SPMIP11: variants seen among roughly 807,000 people sequenced by gnomAD.
The protein encoded by SPMIP11 is sperm microtubule inner protein 11, also known as long intergenic non-protein coding RNA 935.
the SPMIP11 span, among the ~76,000 whole-genome samples, chr12:48,753,692 CTTTTTTTTTTT>C: frequency 2.5e-5 from 3 of 118,820 alleles, no homozygotes; most frequent in South Asian, 2.7e-4. Context: ...TTTTTTTTTT[CTTTTTTTTTTT>C]TTTTTTTTTC....
chr12:48,749,667 G>T, the SPMIP11 span, among the ~76,000 whole-genome samples: 2 of 127,942 alleles, frequency 1.6e-5, no homozygotes, highest in East Asian at 2.6e-4. Flanking sequence ...AAAAAGAGTT[G>T]TTTTTTCTGT....
the SPMIP11 span, chr12:48,764,900 C>T: frequency 1.4e-6 from 1 of 702,932 alleles, no homozygotes; most frequent in Non-Finnish European, 2.6e-6. Context: ...AGAACTTCAG[C>T]TTCTGGTGGT....
chr12:48,736,791 G>T, the SPMIP11 span, among the ~76,000 whole-genome samples: 464 of 151,732 alleles, frequency 3.1e-3, 1 homozygote, highest in Non-Finnish European at 4.6e-3. Context: ...TATGAGTCCA[G>T]AATGGCCTTA....
the SPMIP11 span, chr12:48,768,341 A>T: frequency 1.8e-6 from 1 of 553,692 alleles, no homozygotes; most frequent in African/African-American, 1.9e-5. Flanking sequence ...AGGCTGGAAG[A>T]TTGGAGAGGG....
At chr12:48,727,476 C>T in the SPMIP11 span, 1 of 702,852 alleles carries the variant, frequency 1.4e-6, no homozygotes, top group African/African-American at 1.7e-5. Flanking sequence ...CAGGGAGGAT[C>T]TGAGATGGCC....
chr12:48,760,315 A>C, the SPMIP11 span, among the ~76,000 whole-genome samples: 2 of 152,102 alleles, frequency 1.3e-5, no homozygotes, highest in Non-Finnish European at 2.9e-5. Context: ...CTGGGACTAC[A>C]GGCATGCACC....
At chr12:48,768,778 C>G in the SPMIP11 span, 1 of 1,592,178 alleles carries the variant, frequency 6.3e-7, no homozygotes, top group Non-Finnish European at 8.6e-7. Context: ...TTGCAGGGGC[C>G]CAGGGGTTCT....
At chr12:48,741,140 C>T in the SPMIP11 span, among the ~76,000 whole-genome samples, 3 of 145,008 alleles carry the variant, frequency 2.1e-5, no homozygotes, top group South Asian at 2.2e-4. Context: ...CTCACCACAA[C>T]GTATGCAGTC....
At chr12:48,753,950 G>A in the SPMIP11 span, among the ~76,000 whole-genome samples, 5 of 152,046 alleles carry the variant, frequency 3.3e-5, no homozygotes, top group South Asian at 6.2e-4. Flanking sequence ...TGATCCACCC[G>A]CCTCAGCCTC....
chr12:48,733,960 C>T, the SPMIP11 span, among the ~76,000 whole-genome samples: 2 of 151,544 alleles, frequency 1.3e-5, no homozygotes, highest in African/African-American at 4.9e-5. Context: ...TTAGTAGAGA[C>T]AGGGTTTCAC....
the SPMIP11 span, among the ~76,000 whole-genome samples, chr12:48,747,542 TA>T: frequency 4.8e-4 from 73 of 152,306 alleles, no homozygotes; most frequent in Non-Finnish European, 7.8e-4. Flanking sequence ...GTGCAGACCC[TA>T]ACATAGCTAT....
the SPMIP11 span, among the ~76,000 whole-genome samples, chr12:48,753,999 G>A: frequency 6.6e-6 from 1 of 151,290 alleles, no homozygotes; most frequent in South Asian, 2.1e-4. Flanking sequence ...CACTGTCTCC[G>A]GCTTTTCAAA....
chr12:48,757,497 T>G, the SPMIP11 span, among the ~76,000 whole-genome samples: 1 of 150,560 alleles, frequency 6.6e-6, no homozygotes, highest in Non-Finnish European at 1.5e-5. Context: ...AATACAAAAA[T>G]GAGCCAGGCG....
the SPMIP11 span, among the ~76,000 whole-genome samples, chr12:48,748,247 C>T: frequency 6.6e-6 from 1 of 152,144 alleles, no homozygotes; most frequent in South Asian, 2.1e-4. Context: ...TTCTCATCTA[C>T]TCAAAGATTT....
chr12:48,759,843 G>T, the SPMIP11 span, among the ~76,000 whole-genome samples: 1 of 152,080 alleles, frequency 6.6e-6, no homozygotes, highest in South Asian at 2.1e-4. Context: ...GTCTTGCTCT[G>T]TCACCCAGCC....
chr12:48,761,445 C>CA, the SPMIP11 span, among the ~76,000 whole-genome samples: 1,657 of 96,216 alleles, frequency 0.017, 17 homozygotes, highest in Middle Eastern at 0.031. Flanking sequence ...AGCGAGACTC[C>CA]AAAAAAAAAA....
At chr12:48,769,778 G>C in the SPMIP11 span, among the ~76,000 whole-genome samples, 2 of 144,878 alleles carry the variant, frequency 1.4e-5, no homozygotes, top group Admixed American at 6.9e-5. Flanking sequence ...TTTTTTTTGG[G>C]GGGGACAGAG....
At chr12:48,736,425 A>AG in the SPMIP11 span, among the ~76,000 whole-genome samples, 1 of 151,712 alleles carries the variant, frequency 6.6e-6, no homozygotes, top group African/African-American at 2.4e-5. Context: ...AAAAAAAAAA[A>AG]AAAAAAAAAA....
the SPMIP11 span, among the ~76,000 whole-genome samples, chr12:48,763,533 A>G: frequency 6.6e-6 from 1 of 152,172 alleles, no homozygotes; most frequent in Non-Finnish European, 1.5e-5. Context: ...AAAATGTAAC[A>G]TCTACTCAAT....
Sources: gnomAD v4.1 joint callset for allele counts (sites outside exome capture counted in the v4.1 genomes callset) on GRCh38, gnomAD v4.1.1 for gene constraint, MANE v1.5 for transcripts, NCBI Gene and HGNC (gene_info 2026-07-23, HGNC 2026-07-21) for gene names.